PSMD11: variants seen among roughly 807,000 people sequenced by gnomAD.
The protein encoded by PSMD11 is 26S proteasome non-ATPase regulatory subunit 11.
PSMD11 carries 5 observed loss-of-function variants against 62.3 expected under a neutral mutation model. The ratio of observed to expected loss-of-function variants is 0.08; its 90% CI spans 0.04 to 0.17. The LOEUF (loss-of-function observed/expected upper bound fraction) is 0.17. Among genes scored for constraint, PSMD11 ranks in the 10% least tolerant of loss-of-function variants. The probability of loss-of-function intolerance (pLI) is 1.00; values close to 1 mark genes in which losing one functional copy is unlikely to be tolerated. For missense variants in PSMD11, 310 were observed against 512.9 expected (o/e 0.60, Z 3.82); for synonymous variants, 191 against 191.8 (o/e 1.00, Z 0.03).
At chr17:32,480,450 C>G (rs1172785490) in intron 12 of PSMD11, 39 bp from the exon 13 acceptor site, 1 of 1,613,166 alleles carries the variant, frequency 6.2e-7, no homozygotes, top group South Asian at 1.1e-5. Context: ...TTGTGTCTAA[C>G]CTCATCTTTT....
At position 32,482,091 on chromosome 17, in the gene PSMD11, CTCTT is replaced by C. The variant is rs1198469481; in HGVS notation, c.*1345_*1348del. ...TGCCTTCTTCTGCTGGCCTCCTTTT[CTCTT>C]TCTTTACCTTCCTTGGATTATCCTT... On this transcript the variant is annotated 3_prime_UTR_variant, in exon 14 of 14. Transcript: ENST00000261712. 1 of 151,982 alleles carries C rather than the reference CTCTT, an allele frequency of 6.6e-6. No individual in the cohort carries two copies. Among genetic ancestry groups the C allele is most frequent in the African/African-American group, 2.4e-5 (1 of 41,382 alleles). The allele number at this position is 151,982 out of a possible 1,614,324, so 9.4% of individuals were successfully genotyped here. A position where few individuals can be genotyped will look rare whatever the true frequency, so the allele number is the denominator to read the frequency against.
At chr17:32,447,885 CTTT>C (rs755811348) in intron 2 of PSMD11, among the ~76,000 whole-genome samples, 1 of 141,094 alleles carries the variant, frequency 7.1e-6, no homozygotes, top group African/African-American at 2.6e-5. Context: ...TTTTCTTTTT[CTTT>C]TTTTTTTTTT....
At position 32,460,316 on chromosome 17, in the gene PSMD11, C is replaced by T. The variant is rs569986693; in HGVS notation, c.319-3733C>T. ...CCTCAAGTGATCTGCTTGCCTCAGC[C>T]TCCCAAAGTGCCTGGATTACGGATG... On this transcript the variant is annotated intron_variant, in intron 3 of 13. Transcript: ENST00000261712. 3.3e-5 allele frequency among the ~76,000 whole-genome samples: 5 copies of T among 152,224 alleles called. No homozygotes were observed. In the South Asian group the frequency reaches 8.3e-4, roughly 25 times the overall value.
Position 32,474,780 on chromosome 17 carries a change from G to A in PSMD11, c.805G>A (p.Ala269Thr), listed in dbSNP as rs1362255181. 6.2e-7 allele frequency: 1 copy of A among 1,614,128 alleles called. No individual in the cohort carries two copies. Among genetic ancestry groups the A allele is most frequent in the East Asian group, 2.2e-5 (1 of 44,892 alleles). ...TTTTTCTAGCCCAGAAGATGTCCAG[G>A]CTTTGGTGAGCGGGAAGCTTGCACT... ...IMLNTPEDVQALVSGKLALRY... is the reference protein window; with the variant it reads ...IMLNTPEDVQTLVSGKLALRY... Residue 269 changes from alanine (A) to threonine (T), a missense_variant, in exon 8 of 14, where the codon GCT (alanine) becomes ACT (threonine). Ala to Thr is a moderately conservative substitution (Grantham distance 58, BLOSUM62 0). Around this residue, in one of 6 missense-constraint regions of PSMD11, gnomAD observed 135 missense variants for 195.4 expected, o/e 0.69. Transcript: ENST00000261712.
chr17:32,447,350 T>G (rs1311656293), intron 2 of PSMD11: 1 of 224,664 alleles, frequency 4.5e-6, no homozygotes, highest in African/African-American at 2.3e-5. Context: ...TTCAATAATT[T>G]CACTGAGCAA....
intron 2 of PSMD11, among the ~76,000 whole-genome samples, chr17:32,453,211 C>T (rs1386029280): frequency 6.6e-6 from 1 of 152,040 alleles, no homozygotes; most frequent in African/African-American, 2.4e-5. Flanking sequence ...GAAATAAATG[C>T]AAAAGGAATT....
Position 32,479,314 on chromosome 17 carries a change from T to C in PSMD11, c.976T>C (p.Leu326=), listed in dbSNP as rs746463712. Residue 326 remains leucine (L), a synonymous_variant, in exon 10 of 14, where the codon TTG becomes CTG. Transcript: ENST00000261712. ...AATCATCAGCACACACTTGGCCAAG[T>C]TGTATGATAACTTACTAGAACAGAA... ...DPIISTHLAK[L]YDNLLEQNLI... The C allele has an allele frequency of 1.2e-6, 2 of 1,614,182 alleles. No individual in the cohort carries two copies. The highest frequency in any genetic ancestry group is 2.7e-5 in the African/African-American group (2 of 75,044).
At position 32,454,630 on chromosome 17, in the gene PSMD11, T is replaced by C. The variant is rs1199042281; in HGVS notation, c.318+11T>C. On this transcript the variant is annotated intron_variant, in intron 3 of 13. Coordinates refer to ENST00000261712, the MANE Select transcript of PSMD11 (RefSeq NM_002815.4). The stretch of plus-strand genomic sequence containing the variant: ...GCTACAGGGCAGGAGGTAAGTGATA[T>C]TAATGACAGAAAGTAGACAATATGG... 1 of 1,610,760 alleles carries C rather than the reference T, an allele frequency of 6.2e-7. No homozygotes were observed.
intron 9 of PSMD11, 117 bp downstream of exon 9, chr17:32,477,700 G>A (rs1261422467): frequency 2.2e-6 from 2 of 919,236 alleles, no homozygotes; most frequent in South Asian, 1.7e-5. Flanking sequence ...ATGATTCCAT[G>A]TATCCTTCAC....
chr17:32,450,576 G>A lies in PSMD11; in HGVS notation c.193+3530G>A, dbSNP rs182807121. 3.9e-5 allele frequency among the ~76,000 whole-genome samples: 6 copies of A among 151,974 alleles called. No individual in the cohort carries two copies. The East Asian group carries it at 1.2e-3, about 29-fold the overall frequency. ...GCCACCGCGCCCAGCCAAGTTCTGTGAGGTTCTGACAAGGAAAATCTGGTC... is the reference window on the plus strand; with the variant it reads ...GCCACCGCGCCCAGCCAAGTTCTGTAAGGTTCTGACAAGGAAAATCTGGTC... On this transcript the variant is annotated intron_variant, in intron 2 of 13. Transcript: ENST00000261712.
chr17:32,471,546 AG>A (rs924268582), intron 6 of PSMD11, among the ~76,000 whole-genome samples: 8 of 152,224 alleles, frequency 5.3e-5, no homozygotes, highest in African/African-American at 1.9e-4. Context: ...GGCTTAGAAA[AG>A]CTATCTTAAA....
chr17:32,456,788 C>A (rs958809829), intron 3 of PSMD11, among the ~76,000 whole-genome samples: 1 of 152,246 alleles, frequency 6.6e-6, no homozygotes, highest in African/African-American at 2.4e-5. Context: ...GCCTCGGCCT[C>A]CCAAAATGCT....
intron 5 of PSMD11, among the ~76,000 whole-genome samples, chr17:32,465,733 G>A (rs1196192396): frequency 1.3e-5 from 2 of 151,992 alleles, no homozygotes; most frequent in East Asian, 3.9e-4. Context: ...CAGCACTTTG[G>A]AAGGCCAAGG....
chr17:32,459,115 C>CATATATATATACATATATATATATAT (rs1907738811), intron 3 of PSMD11, among the ~76,000 whole-genome samples: 1 of 111,880 alleles, frequency 8.9e-6, no homozygotes, highest in African/African-American at 3.5e-5. Context: ...AAAAAAAATA[C>CATATATATATACATATATATATATAT]ATATATATAT....
At chr17:32,477,155 A>G (rs1230536734) in intron 8 of PSMD11, 2 of 199,556 alleles carry the variant, frequency 1.0e-5, no homozygotes, top group African/African-American at 4.6e-5. Context: ...TCTAAGGGCA[A>G]GAAGGAGTTT....
Position 32,481,161 on chromosome 17 carries a change from C to A in PSMD11, c.*409C>A. On this transcript the variant is annotated 3_prime_UTR_variant, in exon 14 of 14. Coordinates refer to ENST00000261712, the MANE Select transcript of PSMD11 (RefSeq NM_002815.4). ...TTGGGTGTTTGCTGACCATCAAAAG[C>A]AATGACTTTTTATTCTGTTTGTACT... 6.5e-6 allele frequency: 1 copy of A among 154,084 alleles called. No individual in the cohort carries two copies. The highest frequency in any genetic ancestry group is 1.4e-5 in the Non-Finnish European group (1 of 69,302). 9.5% of individuals were successfully genotyped at this position (154,084 alleles called of 1,614,324 possible).
intron 6 of PSMD11, among the ~76,000 whole-genome samples, chr17:32,471,007 C>A (rs528367193): frequency 1.3e-5 from 2 of 152,102 alleles, no homozygotes; most frequent in African/African-American, 4.8e-5. Flanking sequence ...GTATTGAGTT[C>A]TTTGGATCAT....
chr17:32,461,773 A>T (rs1907853414), intron 3 of PSMD11, among the ~76,000 whole-genome samples: 1 of 152,188 alleles, frequency 6.6e-6, no homozygotes, highest in Admixed American at 6.5e-5. Context: ...CCAGATATTA[A>T]CCGATTAGTA....
At chr17:32,472,850 T>C (rs1187476086) in intron 6 of PSMD11, among the ~76,000 whole-genome samples, 9 of 150,826 alleles carry the variant, frequency 6.0e-5, no homozygotes, top group East Asian at 2.0e-4. Context: ...TTCTTTTTTT[T>C]TTTTTTTTTT....
Sources: allele counts gnomAD v4.1 joint callset (sites outside exome capture counted in the v4.1 genomes callset), GRCh38; gene constraint gnomAD v4.1.1; regional missense constraint gnomAD v4.1.1; transcripts MANE v1.5; gene names NCBI Gene and HGNC (gene_info 2026-07-23, HGNC 2026-07-21).